AP3B1: variants seen among roughly 807,000 people sequenced by gnomAD.
AP3B1 encodes adaptor related protein complex 3 subunit beta 1.
Under a neutral mutation model 132.5 loss-of-function variants are expected in AP3B1, and 61 were observed. The ratio of observed to expected loss-of-function variants is 0.46; its 90% CI spans 0.37 to 0.57. AP3B1 has a LOEUF of 0.57. Among genes scored for constraint, AP3B1 ranks in the 20% least tolerant of loss-of-function variants. The probability of loss-of-function intolerance (pLI) is 0.00; values close to 1 mark genes in which losing one functional copy is unlikely to be tolerated. For synonymous variants in AP3B1, 388 were observed against 438.3 expected (o/e 0.89, Z 1.43); for missense variants, 1,120 against 1,289.4 (o/e 0.87, Z 2.01).
Position 78,162,924 on chromosome 5 carries a change from A to G in AP3B1, c.1258T>C (p.Phe420Leu). The G allele has an allele frequency of 6.2e-7, 1 of 1,613,892 alleles. No homozygotes were observed. Among genetic ancestry groups the G allele is most frequent in the Non-Finnish European group, 8.5e-7 (1 of 1,179,834 alleles). Residue 420 changes from phenylalanine to leucine, a missense_variant, in exon 13 of 27, where the codon TTT (phenylalanine) becomes CTT (leucine). By Grantham distance (22) the Phe-to-Leu change is conservative. Coordinates refer to ENST00000255194, the MANE Select transcript of AP3B1 (RefSeq NM_003664.5). ...ATAGTCTGAATAGTGGCTGCTGCAA[A>G]TTGTTTATCCTGGCTTTTCACATAG... is the stretch of plus-strand genomic sequence containing the variant. ...QTYVKSQDKQFAAATIQTIGR... is the reference protein window; with the variant it reads ...QTYVKSQDKQLAAATIQTIGR...
intron 2 of AP3B1, among the ~76,000 whole-genome samples, chr5:78,249,546 ATC>A (rs1747537778): frequency 6.7e-6 from 1 of 148,814 alleles, no homozygotes. Context: ...GTTCTTTTCA[ATC>A]TCTATTCTTC....
intron 3 of AP3B1, among the ~76,000 whole-genome samples, chr5:78,233,517 G>A (rs975124615): frequency 2.6e-5 from 4 of 151,546 alleles, no homozygotes; most frequent in Non-Finnish European, 4.4e-5. Flanking sequence ...TTACAGGCGT[G>A]AGCCACCACG....
intron 22 of AP3B1, chr5:78,041,740 A>G (rs1476405001): frequency 6.6e-6 from 1 of 152,484 alleles, no homozygotes; most frequent in Non-Finnish European, 1.5e-5. Context: ...TTAAGTTTTC[A>G]AAGCACTTTC....
chr5:78,157,739 T>C (rs1316231146), intron 13 of AP3B1, among the ~76,000 whole-genome samples: 1 of 151,356 alleles, frequency 6.6e-6, no homozygotes, highest in Middle Eastern at 3.4e-3. Flanking sequence ...AGAAATACCA[T>C]AATTTGTGTC....
intron 2 of AP3B1, among the ~76,000 whole-genome samples, chr5:78,247,525 G>A (rs947962426): frequency 1.1e-4 from 17 of 149,702 alleles, no homozygotes; most frequent in African/African-American, 2.2e-4. Context: ...TTTTTACTCC[G>A]TTTTTGAAGC....
At chr5:78,068,607 T>C (rs1034585719) in intron 22 of AP3B1, among the ~76,000 whole-genome samples, 4 of 152,056 alleles carry the variant, frequency 2.6e-5, no homozygotes, top group Non-Finnish European at 5.9e-5. Flanking sequence ...GAGGCAGTAA[T>C]AAATAGCCTA....
chr5:78,248,878 G>A (rs995707517), intron 2 of AP3B1, among the ~76,000 whole-genome samples: 1 of 152,076 alleles, frequency 6.6e-6, no homozygotes, highest in Non-Finnish European at 1.5e-5. Context: ...ACTCTCTTCT[G>A]GCTGCCATGA....
At chr5:78,030,790 C>A (rs1477368847) in intron 24 of AP3B1, among the ~76,000 whole-genome samples, 1 of 152,134 alleles carries the variant, frequency 6.6e-6, no homozygotes, top group East Asian at 1.9e-4. Flanking sequence ...GATCCTCCCA[C>A]TTCAGTCTCC....
intron 17 of AP3B1, among the ~76,000 whole-genome samples, chr5:78,122,784 T>C (rs183608802): frequency 0.17 from 26,026 of 152,128 alleles, 2,834 homozygotes; most frequent in Admixed American, 0.28. Context: ...AGGTAATTTA[T>C]AGATTCAATG....
intron 22 of AP3B1, among the ~76,000 whole-genome samples, chr5:78,064,119 T>C (rs1255404521): frequency 1.3e-5 from 2 of 151,280 alleles, no homozygotes; most frequent in African/African-American, 4.8e-5. Context: ...ATTTTGCCAT[T>C]TAAAAAGATC....
chr5:78,250,292 A>G (rs1429558690), intron 2 of AP3B1, among the ~76,000 whole-genome samples: 1 of 152,162 alleles, frequency 6.6e-6, no homozygotes, highest in Non-Finnish European at 1.5e-5. Flanking sequence ...GAATACTTAA[A>G]CCCAAAAAAG....
intron 7 of AP3B1, among the ~76,000 whole-genome samples, chr5:78,212,141 G>T (rs1211352588): frequency 6.6e-6 from 1 of 152,128 alleles, no homozygotes; most frequent in African/African-American, 2.4e-5. Context: ...TTAGCTGGGT[G>T]TGGTGGCACA....
intron 1 of AP3B1, among the ~76,000 whole-genome samples, chr5:78,270,902 C>A (rs942099757): frequency 6.6e-6 from 1 of 152,126 alleles, no homozygotes; most frequent in East Asian, 1.9e-4. Context: ...GTTCTCCATT[C>A]GCATTTGTGA....
Position 78,175,611 on chromosome 5 carries a change from T to C in AP3B1, c.1167+15A>G, listed in dbSNP as rs368393559. The C allele has an allele frequency of 2.9e-5, 47 of 1,604,788 alleles. No homozygotes were observed. Among genetic ancestry groups the C allele is most frequent in the Non-Finnish European group, 3.6e-5 (42 of 1,172,346 alleles). Reference sequence around the variant, plus strand: ...AAATGTGTTAAAAGCCTCTGAAAAATGAAAGCATACATACCTTCAGTGTCT... The same window carrying C: ...AAATGTGTTAAAAGCCTCTGAAAAACGAAAGCATACATACCTTCAGTGTCT... On this transcript the variant is annotated intron_variant, in intron 11 of 26. Coordinates refer to ENST00000255194, the MANE Select transcript of AP3B1 (RefSeq NM_003664.5).
At chr5:78,007,127 A>G (rs1746428471) in intron 26 of AP3B1, among the ~76,000 whole-genome samples, 1 of 152,238 alleles carries the variant, frequency 6.6e-6, no homozygotes, top group Non-Finnish European at 1.5e-5. Flanking sequence ...TATAAATCAT[A>G]CATGTTCTTT....
intron 22 of AP3B1, among the ~76,000 whole-genome samples, chr5:78,064,305 T>C (rs1420817353): frequency 6.6e-6 from 1 of 152,102 alleles, no homozygotes; most frequent in African/African-American, 2.4e-5. Flanking sequence ...ATTTAATTCA[T>C]TCATTAAAAG....
intron 7 of AP3B1, among the ~76,000 whole-genome samples, chr5:78,208,091 C>G (rs1477565684): frequency 1.3e-5 from 2 of 151,542 alleles, no homozygotes; most frequent in Non-Finnish European, 2.9e-5. Context: ...GACAGAGAGA[C>G]AGAGAGAGAA....
rs5868907 is a variant in AP3B1, at chr5:78,205,861, A to AT, written c.786+10193dup. ...AAGGGGATTTATTTTGTCTAAAAAA[A>AT]TTTTTTTTTTTCAGAATATAGCTCT... On this transcript the variant is annotated intron_variant, in intron 7 of 26. Coordinates refer to ENST00000255194, the MANE Select transcript of AP3B1 (RefSeq NM_003664.5). Among the ~76,000 whole-genome samples the AT allele has an allele frequency of 6.3e-4, 95 of 150,894 alleles. 1 individual carries two copies. Among genetic ancestry groups the AT allele is most frequent in the South Asian group, 2.7e-3 (13 of 4,774 alleles).
intron 2 of AP3B1, among the ~76,000 whole-genome samples, chr5:78,259,662 C>T (rs1304626972): frequency 1.3e-5 from 2 of 152,070 alleles, no homozygotes; most frequent in Non-Finnish European, 2.9e-5. Flanking sequence ...TATGTGCCCA[C>T]TAAAATTAAA....
Sources: gnomAD v4.1 joint callset for allele counts (sites outside exome capture counted in the v4.1 genomes callset) on GRCh38, gnomAD v4.1.1 for gene constraint, MANE v1.5 for transcripts, NCBI Gene and HGNC (gene_info 2026-07-23, HGNC 2026-07-21) for gene names.